The following TOGARAM2 variants were observed in gnomAD, a reference collection of about 807,000 sequenced individuals.
The protein encoded by TOGARAM2 is TOG array regulator of axonemal microtubules protein 2.
In TOGARAM2, 85 loss-of-function variants were observed where a neutral mutation model predicts 93.3. The observed-to-expected ratio is 0.91, with a 90% CI of 0.76 to 1.09. The LOEUF is 1.09. Ranked by LOEUF, TOGARAM2 falls within the 50% of genes least tolerant of loss-of-function variation. TOGARAM2 has a pLI of 0.00. For synonymous variants in TOGARAM2, 593 were observed against 552.8 expected (o/e 1.07, Z -1.02); for missense variants, 1,277 against 1,334.5 (o/e 0.96, Z 0.67).
intron 1 of TOGARAM2, among the ~76,000 whole-genome samples, chr2:28,992,469 AG>A (rs1672781087): frequency 6.6e-6 from 1 of 152,116 alleles, no homozygotes; most frequent in African/African-American, 2.4e-5. Flanking sequence ...TCCTGGGACC[AG>A]GGGGAACCTG....
chr2:29,043,367 G>T (rs1666550210), intron 18 of TOGARAM2, among the ~76,000 whole-genome samples: 1 of 152,192 alleles, frequency 6.6e-6, no homozygotes, highest in Non-Finnish European at 1.5e-5. Context: ...AGATAAACTT[G>T]TGCCTGATGA....
At chr2:28,986,592 C>T (rs559252001) in intron 1 of TOGARAM2, among the ~76,000 whole-genome samples, 32 of 152,274 alleles carry the variant, frequency 2.1e-4, no homozygotes, top group Non-Finnish European at 3.5e-4. Flanking sequence ...GTAAGTGTCC[C>T]GCCCCAGCCT....
At chr2:29,036,081 G>A (rs1666089655) in intron 17 of TOGARAM2, among the ~76,000 whole-genome samples, 1 of 152,130 alleles carries the variant, frequency 6.6e-6, no homozygotes, top group African/African-American at 2.4e-5. Flanking sequence ...CTTCTTGGTG[G>A]ACTGAGGCTG....
chr2:29,012,429 G>A (rs1228460940), intron 7 of TOGARAM2, among the ~76,000 whole-genome samples: 1 of 152,212 alleles, frequency 6.6e-6, no homozygotes, highest in Non-Finnish European at 1.5e-5. Context: ...CTGCTCCCGG[G>A]CCAGGCTGCA....
rs1416696360 is a variant in TOGARAM2, at chr2:29,003,540, A to G, written c.688A>G (p.Lys230Glu). 6.3e-7 allele frequency: 1 copy of G among 1,591,756 alleles called. No homozygotes were observed. The highest frequency in any genetic ancestry group is 8.5e-7 in the Non-Finnish European group (1 of 1,169,970). ...GCACTGCAATGATGAGAAGATGCAGAAGTCCCTGGGCGCCATCGTGATCCC... is the reference window on the plus strand; with the variant it reads ...GCACTGCAATGATGAGAAGATGCAGGAGTCCCTGGGCGCCATCGTGATCCC... ...YLHCNDEKMQKSLGAIVIPPI... is the reference protein window; with the variant it reads ...YLHCNDEKMQESLGAIVIPPI... Residue 230 changes from lysine to glutamate, a missense_variant, in exon 6 of 20, where the codon AAG (lysine) becomes GAG (glutamate). Coordinates refer to ENST00000379558, the MANE Select transcript of TOGARAM2 (RefSeq NM_199280.4).
intron 6 of TOGARAM2, among the ~76,000 whole-genome samples, chr2:29,006,092 T>TGTG (rs1553339202): frequency 1.4e-5 from 1 of 70,300 alleles, no homozygotes; most frequent in East Asian, 3.2e-4. Flanking sequence ...TGTGTGTGTG[T>TGTG]GGGGTGCATG....
At chr2:29,040,961 T>C (rs1399542338) in intron 18 of TOGARAM2, among the ~76,000 whole-genome samples, 1 of 152,088 alleles carries the variant, frequency 6.6e-6, no homozygotes, top group Admixed American at 6.5e-5. Context: ...TACATTTGGA[T>C]TCGCATCCTG....
intron 10 of TOGARAM2, chr2:29,018,202 G>A (rs1184298270): frequency 9.9e-6 from 5 of 504,320 alleles, no homozygotes; most frequent in Non-Finnish European, 1.7e-5. Context: ...CTCAGCCTGT[G>A]TGACATGTCC....
At chr2:29,000,685 G>T (rs1377440982) in intron 4 of TOGARAM2, among the ~76,000 whole-genome samples, 2 of 152,118 alleles carry the variant, frequency 1.3e-5, no homozygotes, top group Non-Finnish European at 2.9e-5. Flanking sequence ...GTTGTGGTTG[G>T]CTGTTCTTCC....
At chr2:29,032,834 A>T (rs575491947) in intron 14 of TOGARAM2, 100 bp from the exon 15 acceptor site, 2 of 965,638 alleles carry the variant, frequency 2.1e-6, no homozygotes, top group East Asian at 2.6e-5. Flanking sequence ...AAAAAGTATT[A>T]AAAACTCTCT....
chr2:29,002,929 C>G (rs1345496036), intron 5 of TOGARAM2, among the ~76,000 whole-genome samples, 182 bp downstream of exon 5: 1 of 152,216 alleles, frequency 6.6e-6, no homozygotes. Context: ...ATTTCACCAC[C>G]TCCCCCAGCA....
intron 4 of TOGARAM2, among the ~76,000 whole-genome samples, chr2:29,000,571 C>A (rs939802296): frequency 1.3e-5 from 2 of 152,234 alleles, no homozygotes; most frequent in East Asian, 1.9e-4. Context: ...CTCTTTTCAG[C>A]GGAATGAACT....
chr2:29,052,138 A>G lies in TOGARAM2; in HGVS notation c.*45A>G. ...AATTATTATTTATCTTATTTTTTTG[A>G]TGGACTATTCTCCTGGTTACTTTCC... On this transcript the variant is annotated 3_prime_UTR_variant, in exon 20 of 20. Coordinates refer to ENST00000379558, the MANE Select transcript of TOGARAM2 (RefSeq NM_199280.4). 1.4e-6 allele frequency: 2 copies of G among 1,436,896 alleles called. No individual in the cohort carries two copies. Among genetic ancestry groups the G allele is most frequent in the South Asian group, 1.5e-5 (1 of 65,388 alleles). 89.0% of individuals were successfully genotyped at this position (1,436,896 alleles called of 1,614,324 possible). A position where few individuals can be genotyped will look rare whatever the true frequency, so the allele number is the denominator to read the frequency against.
At chr2:28,967,067 A>G (rs1671876963) in intron 1 of TOGARAM2, among the ~76,000 whole-genome samples, 1 of 152,274 alleles carries the variant, frequency 6.6e-6, no homozygotes, top group Non-Finnish European at 1.5e-5. Flanking sequence ...CAGCTTTTAC[A>G]TTACATTTTT....
intron 14 of TOGARAM2, among the ~76,000 whole-genome samples, chr2:29,031,786 C>T (rs1245947254): frequency 6.6e-6 from 1 of 152,206 alleles, no homozygotes; most frequent in African/African-American, 2.4e-5. Flanking sequence ...GGGGCAGTGT[C>T]ATTGGAGGCT....
intron 6 of TOGARAM2, among the ~76,000 whole-genome samples, chr2:29,009,982 A>T (rs1380854699): frequency 6.6e-6 from 1 of 151,748 alleles, no homozygotes; most frequent in Non-Finnish European, 1.5e-5. Flanking sequence ...ACAGCTTAAG[A>T]GAAGCTGCGC....
At position 29,002,554 on chromosome 2, in the gene TOGARAM2, G is replaced by T; in HGVS notation, c.446G>T (p.Gly149Val). 1.2e-6 allele frequency: 2 copies of T among 1,613,586 alleles called. No individual in the cohort carries two copies. Among genetic ancestry groups the T allele is most frequent in the Non-Finnish European group, 1.7e-6 (2 of 1,179,764 alleles). The stretch of plus-strand genomic sequence containing the variant: ...TGTACAGCCTCTCTGGATCCAGGGG[G>T]AGGCCCCCAAGGAGTTCCCCTGCAC... ...ASSRASLDPG[G>V]GPQGVPLHST... The change falls in exon 5 of 20, where the codon GGA becomes GTA. Residue 149 changes from glycine (G) to valine (V), a missense_variant. Coordinates refer to ENST00000379558, the MANE Select transcript of TOGARAM2 (RefSeq NM_199280.4).
intron 8 of TOGARAM2, among the ~76,000 whole-genome samples, chr2:29,015,615 T>TC (rs1664519041): frequency 1.3e-5 from 2 of 152,152 alleles, no homozygotes; most frequent in Admixed American, 1.3e-4. Context: ...TAGTCCACAC[T>TC]CCCCACTGAA....
intron 1 of TOGARAM2, among the ~76,000 whole-genome samples, chr2:28,961,621 A>G (rs1671806169): frequency 6.6e-6 from 1 of 152,190 alleles, no homozygotes; most frequent in South Asian, 2.1e-4. Context: ...GATTACAGGC[A>G]TGAGCCACTG....
Sources: allele counts gnomAD v4.1 joint callset (sites outside exome capture counted in the v4.1 genomes callset), GRCh38; gene constraint gnomAD v4.1.1; transcripts MANE v1.5; gene names NCBI Gene and HGNC (gene_info 2026-07-23, HGNC 2026-07-21).